Variants in DPP8 observed in about 807,000 individuals in gnomAD.
DPP8 encodes dipeptidyl peptidase 8.
In DPP8, 31 loss-of-function variants were observed where a neutral mutation model predicts 107.5. The ratio of observed to expected loss-of-function variants is 0.29; its 90% CI spans 0.22 to 0.39. The LOEUF is 0.39. Ranked by LOEUF, DPP8 falls within the 10% of genes least tolerant of loss-of-function variation. The pLI is 1.00. For synonymous variants in DPP8, 381 were observed against 356.6 expected, an observed-to-expected ratio of 1.07 and a Z score of -0.77; for missense variants, 842 against 1,076.1, an observed-to-expected ratio of 0.78 and a Z score of 3.04.
chr15:65,501,099 C>T (rs2069185589), intron 3 of DPP8, among the ~76,000 whole-genome samples: 1 of 151,874 alleles, frequency 6.6e-6, no homozygotes, highest in Non-Finnish European at 1.5e-5. Flanking sequence ...GGATGGTCTC[C>T]ATCTCCTGAC....
chr15:65,495,333 C>T (rs1419136125), intron 5 of DPP8, among the ~76,000 whole-genome samples: 7 of 152,212 alleles, frequency 4.6e-5, no homozygotes, highest in Non-Finnish European at 2.9e-5. Flanking sequence ...TGGCCAGGTG[C>T]TGTGGCTCTC....
At chr15:65,467,847 C>A (rs1255742296) in intron 12 of DPP8, among the ~76,000 whole-genome samples, 1 of 152,124 alleles carries the variant, frequency 6.6e-6, no homozygotes, top group Non-Finnish European at 1.5e-5. Context: ...TGCTATATTG[C>A]AGCTTAGGGC....
intron 2 of DPP8, chr15:65,512,028 T>TTA (rs1315531394): frequency 1.0e-5 from 6 of 591,918 alleles, no homozygotes; most frequent in Non-Finnish European, 1.9e-5. Context: ...AAGAAAGGCA[T>TTA]TTCAAGCTAG....
At chr15:65,463,977 A>G in intron 14 of DPP8, 71 bp from the exon 15 acceptor site, 1 of 1,237,170 alleles carries the variant, frequency 8.1e-7, no homozygotes, top group Non-Finnish European at 1.1e-6. Context: ...GGAACAAGAA[A>G]CAAGATATTA....
chr15:65,502,733 A>T (rs1218036173), intron 3 of DPP8: 5 of 152,124 alleles, frequency 3.3e-5, no homozygotes, highest in African/African-American at 1.2e-4. Flanking sequence ...AATGTTATTT[A>T]AAAAATAGGC....
At position 65,457,966 on chromosome 15, in the gene DPP8, T is replaced by C. The variant is rs139700329; in HGVS notation, c.1972-1595A>G. 2.0e-3 allele frequency among the ~76,000 whole-genome samples: 300 copies of C among 152,152 alleles called. 1 individual carries two copies. The highest frequency in any genetic ancestry group is 0.012 in the South Asian group (59 of 4,822). The stretch of plus-strand genomic sequence containing the variant: ...TGCCACAGCACCTGGCTAAAGATAT[T>C]TGTCTTTAAAGGGAGAGTGCTGAAA... On this transcript the variant is annotated intron_variant, in intron 15 of 19. Transcript: ENST00000300141.
chr15:65,456,116 T>C, intron 16 of DPP8, 109 bp downstream of exon 16: 1 of 1,215,304 alleles, frequency 8.2e-7, no homozygotes, highest in South Asian at 1.5e-5. Flanking sequence ...ACACTCTCAC[T>C]CACTCATTCA....
intron 8 of DPP8, 122 bp downstream of exon 8, chr15:65,484,977 G>T: frequency 2.7e-6 from 2 of 753,990 alleles, no homozygotes; most frequent in African/African-American, 1.8e-5. Flanking sequence ...CTAAAATCAT[G>T]ATCCACCGAT....
At chr15:65,487,136 G>A (rs1184655860) in intron 7 of DPP8, among the ~76,000 whole-genome samples, 1 of 151,972 alleles carries the variant, frequency 6.6e-6, no homozygotes, top group Non-Finnish European at 1.5e-5. Flanking sequence ...ATCTGTATTT[G>A]CTAGCAAAGA....
intron 17 of DPP8, 126 bp downstream of exon 17, chr15:65,454,136 CA>C (rs370866269): frequency 0.16 from 56,114 of 349,880 alleles, 76 homozygotes; most frequent in East Asian, 0.17. Context: ...GACTTCGTCT[CA>C]AAAAAAAAAA....
chr15:65,448,614 G>A (rs2063645912), intron 19 of DPP8, among the ~76,000 whole-genome samples: 1 of 138,342 alleles, frequency 7.2e-6, no homozygotes, highest in Non-Finnish European at 1.5e-5. Context: ...GGAGCTTGCA[G>A]TAAGCCAAGA....
intron 2 of DPP8, among the ~76,000 whole-genome samples, chr15:65,509,238 C>G (rs1404789264): frequency 6.6e-6 from 1 of 152,194 alleles, no homozygotes; most frequent in Non-Finnish European, 1.5e-5. Context: ...CCTATCAATA[C>G]CATTCACAAT....
chr15:65,456,436 C>A, intron 15 of DPP8, 65 bp from the exon 16 acceptor site: 1 of 1,478,554 alleles, frequency 6.8e-7, no homozygotes, highest in South Asian at 1.3e-5. Flanking sequence ...AGCGGCTGGG[C>A]ATTGCAAGAA....
chr15:65,505,919 C>A (rs557010052), intron 3 of DPP8, among the ~76,000 whole-genome samples: 1 of 138,270 alleles, frequency 7.2e-6, no homozygotes, highest in Non-Finnish European at 1.5e-5. Context: ...CACTGCGCTC[C>A]AGCCTGGGTT....
rs761522206 is a variant in DPP8, at chr15:65,479,052, T to G, written c.1297-13A>C. On this transcript the variant is annotated splice_polypyrimidine_tract_variant and intron_variant, in intron 10 of 19. Transcript: ENST00000300141. ...AGATGTCATGGATCTGTAAAATGAATAGCTAAATTTACTATACATATTATG... is the reference window on the plus strand; with the variant it reads ...AGATGTCATGGATCTGTAAAATGAAGAGCTAAATTTACTATACATATTATG... The G allele has an allele frequency of 1.3e-6, 2 of 1,531,670 alleles. No individual in the cohort carries two copies. The highest frequency in any genetic ancestry group is 1.3e-5 in the South Asian group (1 of 79,934). 94.9% of individuals were successfully genotyped at this position (1,531,670 alleles called of 1,614,324 possible).
intron 4 of DPP8, among the ~76,000 whole-genome samples, chr15:65,499,105 G>GTGTGTGTGTATATA (rs1555468189): frequency 7.2e-6 from 1 of 138,742 alleles, no homozygotes; most frequent in African/African-American, 2.7e-5. Flanking sequence ...GTGTGTGTGT[G>GTGTGTGTGTATATA]TATATATAAA....
At chr15:65,470,126 C>T (rs553804297) in intron 12 of DPP8, among the ~76,000 whole-genome samples, 5 of 127,594 alleles carry the variant, frequency 3.9e-5, no homozygotes, top group South Asian at 2.7e-4. Context: ...ACCTAGGAGG[C>T]GGAGGTTGCA....
Position 65,497,993 on chromosome 15 carries a change from G to C in DPP8, c.586C>G (p.Pro196Ala), listed in dbSNP as rs2068777813. Residue 196 changes from proline to alanine, a missense_variant, in exon 5 of 20, where the codon CCC becomes GCC. Pro to Ala is a conservative substitution (Grantham distance 27). This residue lies in a region of DPP8 where 663 missense variants were observed against 758.0 expected (regional missense o/e 0.87). Transcript: ENST00000300141. ...AATTTTGGATCCATCCGTATGTTGGGACAACTAGTTTCCACTAGATTGGGC... is the reference window on the plus strand; with the variant it reads ...AATTTTGGATCCATCCGTATGTTGGCACAACTAGTTTCCACTAGATTGGGC... ...LRPNLVETSC[P>A]NIRMDPKLCP... 6.2e-7 allele frequency: 1 copy of C among 1,609,030 alleles called. No homozygotes were observed. The highest frequency in any genetic ancestry group is 8.5e-7 in the Non-Finnish European group (1 of 1,177,032).
chr15:65,462,165 C>T (rs1387739398), intron 15 of DPP8, among the ~76,000 whole-genome samples: 10 of 151,840 alleles, frequency 6.6e-5, no homozygotes, highest in African/African-American at 2.4e-5. Context: ...GACAAGGTTT[C>T]GCCATGTTGG....
Sources: gnomAD v4.1 joint callset for allele counts (sites outside exome capture counted in the v4.1 genomes callset) on GRCh38, gnomAD v4.1.1 for gene constraint, gnomAD v4.1.1 regional missense constraint, MANE v1.5 for transcripts, NCBI Gene and HGNC (gene_info 2026-07-23, HGNC 2026-07-21) for gene names.